The following FNIP2 variants were observed in gnomAD, a reference collection of about 807,000 sequenced individuals.
FNIP2 encodes the protein folliculin interacting protein 2, also known as folliculin-interacting protein 2.
A neutral mutation model predicts 108.7 loss-of-function variants in FNIP2; 32 were observed. That is an observed-to-expected ratio of 0.29 (90% CI 0.22 to 0.40). The LOEUF (loss-of-function observed/expected upper bound fraction) is 0.40. FNIP2 is among the 10% of genes least tolerant of loss of function. FNIP2 has a pLI of 1.00. For missense variants in FNIP2, 1,202 were observed against 1,381.6 expected (o/e 0.87, Z 2.06); for synonymous variants, 480 against 496.7 (o/e 0.97, Z 0.45).
chr4:158,878,694 AATC>A (rs1176650366), intron 14 of FNIP2, among the ~76,000 whole-genome samples: 1 of 152,184 alleles, frequency 6.6e-6, no homozygotes, highest in African/African-American at 2.4e-5. Context: ...GAAACCAGGA[AATC>A]ATCATGAGTG....
intron 1 of FNIP2, among the ~76,000 whole-genome samples, chr4:158,793,779 G>C (rs1439799593): frequency 6.6e-6 from 1 of 152,194 alleles, no homozygotes; most frequent in African/African-American, 2.4e-5. Flanking sequence ...TGGACACTCA[G>C]ATTCCAGCTT....
intron 14 of FNIP2, among the ~76,000 whole-genome samples, chr4:158,882,196 C>G (rs1283902511): frequency 6.6e-6 from 1 of 151,404 alleles, no homozygotes; most frequent in African/African-American, 2.4e-5. Context: ...CAGCAGCCGC[C>G]CCGTCTGAGA....
chr4:158,890,472 G>T (rs1166553900), intron 14 of FNIP2: 4 of 469,454 alleles, frequency 8.5e-6, no homozygotes, highest in African/African-American at 8.5e-5. Flanking sequence ...CAAGACTAGG[G>T]AGTCAGATCA....
chr4:158,791,788 A>C (rs1776427610), intron 1 of FNIP2, among the ~76,000 whole-genome samples: 1 of 152,162 alleles, frequency 6.6e-6, no homozygotes, highest in Admixed American at 6.5e-5. Context: ...TACATTCGGC[A>C]TTCTGCAGTC....
At chr4:158,829,699 CTG>C (rs1313476079) in intron 3 of FNIP2, among the ~76,000 whole-genome samples, 1 of 149,032 alleles carries the variant, frequency 6.7e-6, no homozygotes, top group Admixed American at 6.6e-5. Context: ...ATTTTTTACA[CTG>C]TGTGTGTGGG....
At chr4:158,897,690 T>G (rs538661003) in intron 16 of FNIP2, among the ~76,000 whole-genome samples, 2 of 152,268 alleles carry the variant, frequency 1.3e-5, no homozygotes, top group East Asian at 3.9e-4. Flanking sequence ...GATGGGGTTG[T>G]TTTTTTCTTG....
At chr4:158,836,315 G>A (rs879606882) in intron 7 of FNIP2, 1 of 152,160 alleles carries the variant, frequency 6.6e-6, no homozygotes, top group Non-Finnish European at 1.5e-5. Context: ...TAGCCTCAGA[G>A]CCTTTTAACC....
chr4:158,831,677 G>T (rs1156412145), intron 3 of FNIP2, among the ~76,000 whole-genome samples, 184 bp from the exon 4 acceptor site: 1 of 152,180 alleles, frequency 6.6e-6, no homozygotes, highest in Non-Finnish European at 1.5e-5. Context: ...ACAAACATTA[G>T]TAATACTTTG....
chr4:158,885,980 G>C lies in FNIP2; in HGVS notation c.2950-5466G>C, dbSNP rs542079200. Among the ~76,000 whole-genome samples the C allele has an allele frequency of 2.0e-4, 31 of 152,284 alleles. 1 individual carries two copies. In the South Asian group the frequency reaches 5.8e-3, roughly 29 times the overall value. On this transcript the variant is annotated intron_variant, in intron 14 of 16. Coordinates refer to ENST00000264433, the MANE Select transcript of FNIP2 (RefSeq NM_020840.3). Reference sequence around the variant, plus strand: ...TATGAATCAAGGCAGCATATTTTGTGTGTGCGGCAATCTGACCTAAAACCT... The same window carrying C: ...TATGAATCAAGGCAGCATATTTTGTCTGTGCGGCAATCTGACCTAAAACCT...
chr4:158,794,938 G>A (rs1308255239), intron 1 of FNIP2, among the ~76,000 whole-genome samples: 8 of 152,086 alleles, frequency 5.3e-5, no homozygotes, highest in Admixed American at 5.2e-4. Context: ...TAAATAAAAC[G>A]ATTACTGTCA....
intron 7 of FNIP2, among the ~76,000 whole-genome samples, chr4:158,840,893 T>A (rs1238435558): frequency 6.6e-6 from 1 of 152,230 alleles, no homozygotes; most frequent in Admixed American, 6.5e-5. Context: ...TTCTTAAAAG[T>A]GGTAAAATAA....
intron 16 of FNIP2, among the ~76,000 whole-genome samples, chr4:158,902,589 C>T (rs1315971620): frequency 2.6e-5 from 4 of 152,206 alleles, no homozygotes; most frequent in Non-Finnish European, 5.9e-5. Context: ...CCTACAGCCG[C>T]CCCTTCCCCC....
intron 15 of FNIP2, chr4:158,893,619 G>T: frequency 1.6e-6 from 2 of 1,235,074 alleles, no homozygotes; most frequent in South Asian, 1.3e-5. Context: ...AAGCACTTGT[G>T]GATTATTATG....
At chr4:158,861,260 T>C in intron 10 of FNIP2, 82 bp from the exon 11 acceptor site, 2 of 1,447,818 alleles carry the variant, frequency 1.4e-6, no homozygotes, top group Non-Finnish European at 1.8e-6. Context: ...TCAAGTTGTT[T>C]TCTCCTTTAT....
At chr4:158,829,462 A>C (rs1273752931) in intron 3 of FNIP2, among the ~76,000 whole-genome samples, 1 of 152,156 alleles carries the variant, frequency 6.6e-6, no homozygotes, top group Non-Finnish European at 1.5e-5. Context: ...ATGAGGAAGA[A>C]ATATTGCCAG....
chr4:158,791,364 A>G (rs551605870), intron 1 of FNIP2, among the ~76,000 whole-genome samples: 3 of 140,600 alleles, frequency 2.1e-5, no homozygotes, highest in African/African-American at 8.0e-5. Context: ...GCTCACTGCA[A>G]CCTCCACCTC....
chr4:158,893,412 G>A (rs1782414872), intron 15 of FNIP2: 1 of 319,524 alleles, frequency 3.1e-6, no homozygotes. Flanking sequence ...GAGAATGAAT[G>A]TAAAGCACTT....
At chr4:158,862,730 A>G (rs1018168838) in intron 12 of FNIP2, among the ~76,000 whole-genome samples, 2 of 152,228 alleles carry the variant, frequency 1.3e-5, no homozygotes, top group Non-Finnish European at 2.9e-5. Context: ...GAACATGCCT[A>G]ACTCATTCTT....
chr4:158,850,855 C>T (rs573550729), intron 7 of FNIP2, among the ~76,000 whole-genome samples: 2 of 151,992 alleles, frequency 1.3e-5, no homozygotes, highest in South Asian at 4.2e-4. Flanking sequence ...CTGCAATCTA[C>T]AGTCTGAGCA....
Sources: gnomAD v4.1 joint callset for allele counts (sites outside exome capture counted in the v4.1 genomes callset) on GRCh38, gnomAD v4.1.1 for gene constraint, MANE v1.5 for transcripts, NCBI Gene and HGNC (gene_info 2026-07-23, HGNC 2026-07-21) for gene names.